The following ZNF385B variants were observed in gnomAD, a reference collection of about 807,000 sequenced individuals.
ZNF385B encodes the protein zinc finger protein 385B, also known as zinc finger protein 533.
In ZNF385B, 23 loss-of-function variants were observed where a neutral mutation model predicts 39.2. The ratio of observed to expected loss-of-function variants is 0.59; its 90% CI spans 0.42 to 0.83. ZNF385B has a LOEUF of 0.83. ZNF385B is among the 40% of genes least tolerant of loss of function. ZNF385B has a pLI of 0.00. For synonymous variants in ZNF385B, 205 were observed against 222.6 expected, an observed-to-expected ratio of 0.92 and a Z score of 0.70; for missense variants, 552 against 598.9, an observed-to-expected ratio of 0.92 and a Z score of 0.82.
intron 3 of ZNF385B, chr2:179,584,016 T>A: frequency 9.0e-7 from 1 of 1,105,010 alleles, no homozygotes; most frequent in Non-Finnish European, 1.2e-6. Context: ...ACTTGTTGTG[T>A]ACACATTGTT....
At chr2:179,502,741 G>A (rs2056877435) in intron 5 of ZNF385B, among the ~76,000 whole-genome samples, 1 of 152,100 alleles carries the variant, frequency 6.6e-6, no homozygotes, top group African/African-American at 2.4e-5. Context: ...TGCATCTGTT[G>A]AAGGAACCAA....
chr2:179,717,409 G>C (rs957225300), intron 3 of ZNF385B, among the ~76,000 whole-genome samples: 6 of 152,176 alleles, frequency 3.9e-5, no homozygotes, highest in African/African-American at 1.4e-4. Flanking sequence ...TGGAGAGAGG[G>C]AGGGAGAGAG....
At chr2:179,733,643 C>G (rs918411011) in intron 3 of ZNF385B, among the ~76,000 whole-genome samples, 1 of 151,996 alleles carries the variant, frequency 6.6e-6, no homozygotes, top group African/African-American at 2.4e-5. Flanking sequence ...ATTAGCCGGG[C>G]GCGGTGGCGG....
chr2:179,502,526 T>C, intron 5 of ZNF385B, among the ~76,000 whole-genome samples: 1 of 152,136 alleles, frequency 6.6e-6, no homozygotes, highest in East Asian at 1.9e-4. Context: ...CACTTCCCCT[T>C]TCTCTTTCCC....
At chr2:179,559,466 C>G (rs567269481) in intron 3 of ZNF385B, among the ~76,000 whole-genome samples, 115 of 152,214 alleles carry the variant, frequency 7.6e-4, no homozygotes, top group African/African-American at 2.7e-3. Flanking sequence ...CCAATGAACA[C>G]CCAAGTATTT....
intron 3 of ZNF385B, among the ~76,000 whole-genome samples, chr2:179,554,811 A>G (rs1342069923): frequency 6.7e-6 from 1 of 149,318 alleles, no homozygotes; most frequent in Non-Finnish European, 1.5e-5. Flanking sequence ...ATCACTACAT[A>G]TCCACAAGAA....
intron 1 of ZNF385B, among the ~76,000 whole-genome samples, chr2:179,807,670 C>A (rs1035297373): frequency 6.6e-6 from 1 of 151,590 alleles, no homozygotes. Flanking sequence ...CCAAGGTGGG[C>A]GGATCATAAG....
intron 3 of ZNF385B, among the ~76,000 whole-genome samples, chr2:179,713,052 G>C (rs937234952): frequency 2.0e-5 from 3 of 152,196 alleles, no homozygotes; most frequent in Non-Finnish European, 4.4e-5. Context: ...ACAGTGGACT[G>C]TGTTGCCAGA....
At chr2:179,670,243 G>C (rs1695761766) in intron 3 of ZNF385B, among the ~76,000 whole-genome samples, 1 of 142,244 alleles carries the variant, frequency 7.0e-6, no homozygotes, top group Non-Finnish European at 1.5e-5. Context: ...AGTGGGCCGA[G>C]ATTGCGCCAC....
In ZNF385B at chr2:179,746,298, C is replaced by T. The variant is rs148701389; in HGVS notation, c.298+23205G>A. 2.1e-3 allele frequency among the ~76,000 whole-genome samples: 317 copies of T among 152,238 alleles called. 1 individual carries two copies. The highest frequency in any genetic ancestry group is 3.1e-3 in the Admixed American group (48 of 15,280). On this transcript the variant is annotated intron_variant, in intron 3 of 9. Transcript: ENST00000410066. ...GGGAAGAAATCAGTAGTCTATATTA[C>T]GAGGACTTATAAAGGCTGCATAAAT...
chr2:179,636,260 C>G (rs931506098), intron 3 of ZNF385B, among the ~76,000 whole-genome samples: 1 of 152,160 alleles, frequency 6.6e-6, no homozygotes, highest in African/African-American at 2.4e-5. Context: ...ATTCATAATA[C>G]AACATAGCCA....
rs540151367 is a variant in ZNF385B at position 179,669,552 on chromosome 2, G to C, written c.298+99951C>G. Among the ~76,000 whole-genome samples, 24 of 152,250 alleles carry C rather than the reference G, an allele frequency of 1.6e-4. 2 individuals are homozygous for C. In the South Asian group the frequency reaches 5.0e-3, roughly 32 times the overall value. Reference sequence around the variant, plus strand: ...GTGGCCTAGCCAGAAGCAGCCTCTAGGTATCTTGACTTTTTCCTCTACATG... The same window carrying C: ...GTGGCCTAGCCAGAAGCAGCCTCTACGTATCTTGACTTTTTCCTCTACATG... On this transcript the variant is annotated intron_variant, in intron 3 of 9. Coordinates refer to ENST00000410066, the MANE Select transcript of ZNF385B (RefSeq NM_152520.6).
At chr2:179,548,988 C>T (rs1350536317) in intron 3 of ZNF385B, among the ~76,000 whole-genome samples, 1 of 149,512 alleles carries the variant, frequency 6.7e-6, no homozygotes. Flanking sequence ...TAGCTCCTGG[C>T]AACCACTAAT....
At chr2:179,626,727 G>T (rs1407877189) in intron 3 of ZNF385B, among the ~76,000 whole-genome samples, 2 of 151,802 alleles carry the variant, frequency 1.3e-5, no homozygotes, top group Non-Finnish European at 2.9e-5. Context: ...CTTCACTAAA[G>T]AAATAAATTA....
chr2:179,564,156 G>C (rs570463535), intron 3 of ZNF385B, among the ~76,000 whole-genome samples: 1 of 152,062 alleles, frequency 6.6e-6, no homozygotes, highest in Non-Finnish European at 1.5e-5. Flanking sequence ...TAAACACTGG[G>C]GATGGGGCCC....
chr2:179,613,880 C>T (rs1404999450), intron 3 of ZNF385B, among the ~76,000 whole-genome samples: 1 of 152,186 alleles, frequency 6.6e-6, no homozygotes, highest in Admixed American at 6.5e-5. Context: ...CTTGCCAGAA[C>T]TCAGCTTCTG....
At chr2:179,837,295 A>T (rs975408078) in intron 1 of ZNF385B, among the ~76,000 whole-genome samples, 24 of 152,218 alleles carry the variant, frequency 1.6e-4, no homozygotes, top group Non-Finnish European at 4.4e-5. Flanking sequence ...TTACCCTAGC[A>T]TACTTCATTA....
chr2:179,806,107 A>G (rs1706332345), intron 1 of ZNF385B, among the ~76,000 whole-genome samples: 1 of 152,236 alleles, frequency 6.6e-6, no homozygotes, highest in Non-Finnish European at 1.5e-5. Flanking sequence ...ACCAACAAAC[A>G]GACAAAAAAA....
chr2:179,565,118 T>C (rs1427547671), intron 3 of ZNF385B, among the ~76,000 whole-genome samples: 1 of 152,212 alleles, frequency 6.6e-6, no homozygotes, highest in East Asian at 1.9e-4. Flanking sequence ...CACCTTGTAG[T>C]CAAATGAATT....
Sources: gnomAD v4.1 joint callset for allele counts (sites outside exome capture counted in the v4.1 genomes callset) on GRCh38, gnomAD v4.1.1 for gene constraint, MANE v1.5 for transcripts, NCBI Gene and HGNC (gene_info 2026-07-23, HGNC 2026-07-21) for gene names.